The following ITPK1 variants were observed in gnomAD, a reference collection of about 807,000 sequenced individuals.
ITPK1 encodes the protein inositol-tetrakisphosphate 1-kinase.
Under a neutral mutation model 45.3 loss-of-function variants are expected in ITPK1, and 21 were observed. The ratio of observed to expected loss-of-function variants is 0.46; its 90% CI spans 0.33 to 0.67. ITPK1 has a LOEUF of 0.67. Among genes scored for constraint, ITPK1 ranks in the 30% least tolerant of loss-of-function variants. The pLI is 0.02. For synonymous variants in ITPK1, 258 were observed against 253.6 expected, an observed-to-expected ratio of 1.02 and a Z score of -0.16; for missense variants, 474 against 573.5, an observed-to-expected ratio of 0.83 and a Z score of 1.77.
chr14:92,981,961 C>T (rs778180302), intron 5 of ITPK1, among the ~76,000 whole-genome samples: 1 of 152,194 alleles, frequency 6.6e-6, no homozygotes, highest in African/African-American at 2.4e-5. Flanking sequence ...TGGACAAAGG[C>T]CAAGGGTCAA....
In ITPK1 at chr14:92,940,719, G is replaced by C; in HGVS notation, c.*842C>G. On this transcript the variant is annotated 3_prime_UTR_variant, in exon 11 of 11. Coordinates refer to ENST00000267615, the MANE Select transcript of ITPK1 (RefSeq NM_014216.6). ...GATCTCAAATGTCCACTAGAGACAA[G>C]GGGGTGGAGGCCCAAAGACCTGGAA... The C allele has an allele frequency of 4.7e-6, 6 of 1,288,718 alleles. No homozygotes were observed. The highest frequency in any genetic ancestry group is 6.1e-6 in the Non-Finnish European group (6 of 988,478). 79.8% of individuals were successfully genotyped at this position (1,288,718 alleles called of 1,614,324 possible).
At chr14:93,089,855 T>C (rs527609345) in intron 2 of ITPK1, among the ~76,000 whole-genome samples, 132 of 152,234 alleles carry the variant, frequency 8.7e-4, no homozygotes, top group African/African-American at 3.1e-3. Context: ...CAGAGCCCCA[T>C]GCAGGGGGTC....
At chr14:93,103,966 T>C (rs1277305895) in intron 2 of ITPK1, among the ~76,000 whole-genome samples, 4 of 152,110 alleles carry the variant, frequency 2.6e-5, no homozygotes, top group Admixed American at 2.6e-4. Flanking sequence ...AGCAGAGATG[T>C]GTCAGAGGCC....
intron 2 of ITPK1, among the ~76,000 whole-genome samples, chr14:93,105,460 A>G (rs368140303): frequency 6.0e-5 from 9 of 151,014 alleles, no homozygotes; most frequent in Admixed American, 4.6e-4. Context: ...GAGAATCTTC[A>G]TCTCACAGGG....
At chr14:93,037,312 G>GT (rs1254499124) in intron 3 of ITPK1, among the ~76,000 whole-genome samples, 2 of 152,246 alleles carry the variant, frequency 1.3e-5, no homozygotes, top group African/African-American at 4.8e-5. Context: ...CACCATGGGT[G>GT]TGTGTGGGTG....
Position 93,012,315 on chromosome 14 carries a change from G to A in ITPK1, c.246+4361C>T, listed in dbSNP as rs907831797. ...GTGCAAAGTTGGCAGGGCCTGGGAC[G>A]AGAGATGTGTCATTAATCAGCTCAC... On this transcript the variant is annotated intron_variant, in intron 4 of 10. Transcript: ENST00000267615. The surrounding 1 kb of genome is among the most constrained non-coding windows in gnomAD (Gnocchi z 4.9). Among the ~76,000 whole-genome samples the A allele has an allele frequency of 6.6e-6, 1 of 152,194 alleles. No homozygotes were observed. The highest frequency in any genetic ancestry group is 2.4e-5 in the African/African-American group (1 of 41,436).
chr14:93,062,203 G>A (rs938475376), intron 3 of ITPK1, among the ~76,000 whole-genome samples: 7 of 152,166 alleles, frequency 4.6e-5, no homozygotes, highest in African/African-American at 1.4e-4. Flanking sequence ...CCTGGGAGGC[G>A]GAGGTTGCAG....
At chr14:93,090,416 G>A (rs958447164) in intron 2 of ITPK1, among the ~76,000 whole-genome samples, 1 of 152,146 alleles carries the variant, frequency 6.6e-6, no homozygotes, top group South Asian at 2.1e-4. Context: ...AGACCTGAAG[G>A]GCCAGCACAT....
At chr14:92,971,208 C>T (rs1416597305) in intron 5 of ITPK1, among the ~76,000 whole-genome samples, 5 of 152,236 alleles carry the variant, frequency 3.3e-5, no homozygotes, top group Non-Finnish European at 5.9e-5. Context: ...GGGCACTCTG[C>T]AGGATCCACA....
chr14:92,962,357 C>G lies in ITPK1; in HGVS notation c.502G>C (p.Glu168Gln). 2 of 1,607,986 alleles carry G rather than the reference C, an allele frequency of 1.2e-6. No homozygotes were observed. Among genetic ancestry groups the G allele is most frequent in the Non-Finnish European group, 1.7e-6 (2 of 1,174,464 alleles). Residue 168 changes from glutamate (E) to glutamine (Q), a missense_variant and splice_region_variant, in exon 7 of 11, where the codon GAG becomes CAG. This residue lies in a region of ITPK1 where 367 missense variants were observed against 480.6 expected (regional missense o/e 0.76). Transcript: ENST00000267615. ...CAGTCAGATCTTCTTCCACTCACCT[C>G]GTGAGAGTTGGTGCCATGAGCCACT... ...TRVAHGTNSH[E>Q]MAIVFNQEGL...
chr14:92,960,225 C>A (rs965791358), intron 7 of ITPK1, among the ~76,000 whole-genome samples: 1 of 152,136 alleles, frequency 6.6e-6, no homozygotes, highest in Non-Finnish European at 1.5e-5. Context: ...TGGAGCCAGG[C>A]GGCTAGAATG....
chr14:93,110,710 G>C (rs1023683373), intron 2 of ITPK1, among the ~76,000 whole-genome samples: 12 of 152,164 alleles, frequency 7.9e-5, no homozygotes, highest in African/African-American at 2.7e-4. Context: ...GGGACAAAAG[G>C]GTCCCTGGTG....
At chr14:93,041,155 A>T (rs759502788) in intron 3 of ITPK1, among the ~76,000 whole-genome samples, 3 of 152,186 alleles carry the variant, frequency 2.0e-5, no homozygotes, top group Non-Finnish European at 4.4e-5. Context: ...CTCCTCACAA[A>T]GGCCCTATCC....
chr14:92,948,578 T>C (rs1462593508), intron 9 of ITPK1, among the ~76,000 whole-genome samples: 4 of 151,520 alleles, frequency 2.6e-5, no homozygotes, highest in African/African-American at 9.7e-5. Flanking sequence ...CCTCAAGTAA[T>C]CCTCCCTCCT....
intron 5 of ITPK1, among the ~76,000 whole-genome samples, chr14:92,970,668 C>T (rs1163613078): frequency 2.0e-5 from 3 of 151,622 alleles, no homozygotes; most frequent in African/African-American, 7.3e-5. Context: ...CGGAGTCTCG[C>T]TCTGTCGCCC....
At chr14:92,982,083 C>T (rs1595108443) in intron 5 of ITPK1, among the ~76,000 whole-genome samples, 2 of 152,358 alleles carry the variant, frequency 1.3e-5, no homozygotes, top group South Asian at 2.1e-4. Context: ...CCAAGACACC[C>T]AGCACAGGTG....
Position 93,016,565 on chromosome 14 carries a change from A to C in ITPK1, c.246+111T>G, listed in dbSNP as rs1888189103. The C allele has an allele frequency of 3.2e-6, 4 of 1,261,950 alleles. No homozygotes were observed. In the South Asian group the frequency reaches 5.4e-5, roughly 17 times the overall value. The allele number at this position is 1,261,950 out of a possible 1,614,324, so 78.2% of individuals were successfully genotyped here. A position where few individuals can be genotyped will look rare whatever the true frequency, so the allele number is the denominator to read the frequency against. ...GCCAGTGGCAGAGCCATTTCTCCAG[A>C]CTATACCTCCAGAGAGCTGCTACCG... On this transcript the variant is annotated intron_variant, in intron 4 of 10. Coordinates refer to ENST00000267615, the MANE Select transcript of ITPK1 (RefSeq NM_014216.6). The surrounding 1 kb of genome is among the most constrained non-coding windows in gnomAD (Gnocchi z 5.0).
chr14:93,102,349 T>TC (rs1364733753), intron 2 of ITPK1, among the ~76,000 whole-genome samples: 8 of 152,222 alleles, frequency 5.3e-5, no homozygotes, highest in African/African-American at 1.7e-4. Flanking sequence ...AAAACCTTTC[T>TC]CCAACACGAT....
At chr14:92,946,534 G>C (rs2139703457) in intron 9 of ITPK1, 41 bp from the exon 10 acceptor site, 1 of 1,595,932 alleles carries the variant, frequency 6.3e-7, no homozygotes, top group Non-Finnish European at 8.5e-7. Context: ...GGGCCGAGGA[G>C]CTGCGAAGCC....
Sources: allele counts gnomAD v4.1 joint callset (sites outside exome capture counted in the v4.1 genomes callset), GRCh38; gene constraint gnomAD v4.1.1; regional missense constraint gnomAD v4.1.1; non-coding constraint Gnocchi (gnomAD v3.1); transcripts MANE v1.5; gene names NCBI Gene and HGNC (gene_info 2026-07-23, HGNC 2026-07-21).